NAALADL1: variants seen among roughly 807,000 people sequenced by gnomAD.
NAALADL1 encodes the protein N-acetylated alpha-linked acidic dipeptidase like 1, also known as aminopeptidase NAALADL1.
NAALADL1 carries 77 observed loss-of-function variants against 82.8 expected under a neutral mutation model. The ratio of observed to expected loss-of-function variants is 0.93; its 90% confidence interval spans 0.77 to 1.12. The LOEUF is 1.12. Ranked by LOEUF, NAALADL1 falls within the 50% of genes most tolerant of loss-of-function variation. The pLI is 0.00. For missense variants in NAALADL1, 956 were observed against 964.0 expected (o/e 0.99, Z 0.11); for synonymous variants, 358 against 399.2 (o/e 0.90, Z 1.23).
chr11:65,047,500 A>C lies in NAALADL1; in HGVS notation c.1574T>G (p.Met525Arg). ...PFVHFLGISS[M>R]DIAYTYDRSK... ...CCGGTCATAGGTATAGGCAATGTCCATGGAGGAGATGCCCAGGAAGTGAAC... is the reference window on the plus strand; with the variant it reads ...CCGGTCATAGGTATAGGCAATGTCCCTGGAGGAGATGCCCAGGAAGTGAAC... Residue 525 changes from methionine to arginine, a missense_variant, in exon 13 of 18, where the codon ATG becomes AGG. Coordinates refer to ENST00000358658, the MANE Select transcript of NAALADL1 (RefSeq NM_005468.3). 6.4e-7 allele frequency: 1 copy of C among 1,567,948 alleles called. No homozygotes were observed. Among genetic ancestry groups the C allele is most frequent in the Non-Finnish European group, 8.6e-7 (1 of 1,156,158 alleles).
At chr11:65,058,809 A>G (rs1251048019), upstream of NAALADL1, among the ~76,000 whole-genome samples, 1 of 152,180 alleles carries the variant, frequency 6.6e-6, no homozygotes, top group Non-Finnish European at 1.5e-5. Context: ...ACAGAGGCCA[A>G]GCCAGGGCTG....
At chr11:65,047,954 A>C (rs1343574665) in intron 11 of NAALADL1, 27 bp downstream of exon 11, 1 of 1,481,134 alleles carries the variant, frequency 6.8e-7, no homozygotes, top group African/African-American at 1.5e-5. Context: ...CAGCTAGTTC[A>C]GCCCCGCCCG....
upstream of NAALADL1, among the ~76,000 whole-genome samples, chr11:65,059,437 G>C (rs1215166767): frequency 6.6e-6 from 1 of 152,168 alleles, no homozygotes; most frequent in Admixed American, 6.5e-5. Flanking sequence ...GTAAGGCCTA[G>C]AGCTAAAGGA....
chr11:65,045,454 A>G lies in NAALADL1; in HGVS notation c.2040T>C (p.His680=), dbSNP rs764337374. Residue 680 remains histidine (H), a synonymous_variant, in exon 18 of 18, where the codon CAT becomes CAC. Coordinates refer to ENST00000358658, the MANE Select transcript of NAALADL1 (RefSeq NM_005468.3). ...RAFPEERYYS[H]VLWAPRTGSV... ...AGCCCGTGCGAGGTGCCCAGAGCACATGGCTGACAAGAGAAATGGGACAGG... is the reference window on the plus strand; with the variant it reads ...AGCCCGTGCGAGGTGCCCAGAGCACGTGGCTGACAAGAGAAATGGGACAGG... The G allele has an allele frequency of 3.7e-6, 6 of 1,600,378 alleles. No individual in the cohort carries two copies. In the East Asian group the frequency reaches 1.1e-4, roughly 30 times the overall value.
Position 65,054,235 on chromosome 11 carries a change from C to A in NAALADL1, c.992+15G>T. The A allele has an allele frequency of 6.2e-7, 1 of 1,609,404 alleles. No individual in the cohort carries two copies. The highest frequency in any genetic ancestry group is 8.5e-7 in the Non-Finnish European group (1 of 1,176,986). ...AGAGGGCAACTGAGGGAGACCTGGT[C>A]TGGCTGCATCTCACCTGTCTGCTGG... On this transcript the variant is annotated intron_variant, in intron 6 of 17. Transcript: ENST00000358658. This position sits in a 1 kb window ranked among gnomAD's most constrained non-coding sequence, Gnocchi z 4.3.
chr11:65,058,822 A>G (rs1052024902), upstream of NAALADL1, among the ~76,000 whole-genome samples: 7 of 152,058 alleles, frequency 4.6e-5, no homozygotes, highest in Non-Finnish European at 1.0e-4. Flanking sequence ...CAGGGCTGGA[A>G]CTCAGAGCTC....
chr11:65,060,810 T>TA (rs1390241206), upstream of NAALADL1, among the ~76,000 whole-genome samples: 2 of 152,116 alleles, frequency 1.3e-5, no homozygotes, highest in African/African-American at 4.8e-5. Flanking sequence ...TTGTGGGAGT[T>TA]CCTAGAAATA....
chr11:65,045,618 G>C (rs937106181), intron 17 of NAALADL1, 161 bp from the exon 18 acceptor site: 2 of 925,032 alleles, frequency 2.2e-6, no homozygotes, highest in Admixed American at 2.9e-5. Context: ...AGTGGCGGTC[G>C]GGGGAGGAAA....
rs767507853 is a variant in NAALADL1 at position 65,053,421 on chromosome 11, G to A, written c.1078+70C>T. 3 of 1,612,108 alleles carry A rather than the reference G, an allele frequency of 1.9e-6. No homozygotes were observed. In the South Asian group the frequency reaches 3.3e-5, roughly 18 times the overall value. On this transcript the variant is annotated intron_variant, in intron 7 of 17. Coordinates refer to ENST00000358658, the MANE Select transcript of NAALADL1 (RefSeq NM_005468.3). This position sits in a 1 kb window ranked among gnomAD's most constrained non-coding sequence, Gnocchi z 4.3. ...TGGGCTGGGTGGTGGCAAGGGCAGG[G>A]CTGGATGAGGACAGCGGCATCCAGA...
chr11:65,045,467 G>T lies in NAALADL1; in HGVS notation c.2037-10C>A, dbSNP rs373991426. ...TGCCCAGAGCACATGGCTGACAAGA[G>T]AAATGGGACAGGATCAGGGTCAGTC... is the stretch of plus-strand genomic sequence containing the variant. On this transcript the variant is annotated splice_polypyrimidine_tract_variant and intron_variant, in intron 17 of 17. Transcript: ENST00000358658. The T allele has an allele frequency of 2.2e-5, 35 of 1,594,572 alleles. No individual in the cohort carries two copies. In the African/African-American group the frequency reaches 4.7e-4, roughly 21 times the overall value.
At chr11:65,057,796 TC>T in intron 3 of NAALADL1, 78 bp downstream of exon 3, 1 of 1,589,052 alleles carries the variant, frequency 6.3e-7, no homozygotes, top group Non-Finnish European at 8.6e-7. Flanking sequence ...TGAGGCACGT[TC>T]CCTGGGTCAG....
At chr11:65,047,598 G>T (rs1368870191) in intron 12 of NAALADL1, 33 bp from the exon 13 acceptor site, 3 of 1,577,604 alleles carry the variant, frequency 1.9e-6, no homozygotes, top group Non-Finnish European at 1.7e-6. Context: ...GATAAAGAGC[G>T]CTGGGCCGGA....
chr11:65,051,723 G>C (rs1946895922), intron 8 of NAALADL1, among the ~76,000 whole-genome samples: 1 of 152,074 alleles, frequency 6.6e-6, no homozygotes, highest in African/African-American at 2.4e-5. Context: ...AATTACAGTT[G>C]AGTGGGTATC....
intron 4 of NAALADL1, among the ~76,000 whole-genome samples, chr11:65,055,400 G>A (rs776551740): frequency 2.2e-4 from 34 of 152,220 alleles, no homozygotes; most frequent in Admixed American, 4.6e-4. Context: ...TCATGCCACT[G>A]CACTCCAGCC....
At chr11:65,048,572 G>A in intron 8 of NAALADL1, 187 bp from the exon 9 acceptor site, 1 of 624,956 alleles carries the variant, frequency 1.6e-6, no homozygotes, top group South Asian at 1.9e-5. Flanking sequence ...CCAACTCCAA[G>A]CCCCCTGAAG....
At chr11:65,047,871 A>G in intron 11 of NAALADL1, 110 bp downstream of exon 11, 1 of 1,465,732 alleles carries the variant, frequency 6.8e-7, no homozygotes, top group Non-Finnish European at 9.2e-7. Context: ...GTCCAGCCCC[A>G]GCAGATCTAG....
In NAALADL1 at chr11:65,057,409, C is replaced by A. The variant is rs1463518690; in HGVS notation, c.565G>T (p.Ala189Ser). The A allele has an allele frequency of 2.5e-6, 4 of 1,614,154 alleles. No individual in the cohort carries two copies. The highest frequency in any genetic ancestry group is 1.3e-5 in the African/African-American group (1 of 75,046). Reference protein sequence around the residue: ...TQGIKLEGTIALTRYGGVGRG... With the variant: ...TQGIKLEGTISLTRYGGVGRG... ...CCTACACCCCCATATCGAGTCAGGG[C>A]AATGGTGCCTTCAAGTTTGATGCCC... Residue 189 changes from alanine (A) to serine (S), a missense_variant, in exon 4 of 18, where the codon GCC becomes TCC. Coordinates refer to ENST00000358658, the MANE Select transcript of NAALADL1 (RefSeq NM_005468.3).
In NAALADL1 at chr11:65,058,398, G is replaced by A; in HGVS notation, c.124C>T (p.Leu42=). ...CCCATGACGGTCTCCAGGATCTCCAGGTCCAGGTCCTGGGGGGCCAGTGAG... is the reference window on the plus strand; with the variant it reads ...CCCATGACGGTCTCCAGGATCTCCAAGTCCAGGTCCTGGGGGGCCAGTGAG... ...ANSLAPQDLD[L]EILETVMGQL... is the part of the protein sequence containing the mutation. Residue 42 remains leucine (L), a synonymous_variant, in exon 1 of 18, where the codon CTG becomes TTG. Coordinates refer to ENST00000358658, the MANE Select transcript of NAALADL1 (RefSeq NM_005468.3). 1 of 1,614,164 alleles carries A rather than the reference G, an allele frequency of 6.2e-7. No individual in the cohort carries two copies. The highest frequency in any genetic ancestry group is 8.5e-7 in the Non-Finnish European group (1 of 1,180,002).
In NAALADL1 at chr11:65,053,348, G is replaced by A. The variant is rs978248292; in HGVS notation, c.1079-11C>T. 5 of 1,594,124 alleles carry A rather than the reference G, an allele frequency of 3.1e-6. No homozygotes were observed. The highest frequency in any genetic ancestry group is 2.6e-6 in the Non-Finnish European group (3 of 1,170,694). On this transcript the variant is annotated splice_polypyrimidine_tract_variant and intron_variant, in intron 7 of 17. Transcript: ENST00000358658. The surrounding 1 kb of genome is among the most constrained non-coding windows in gnomAD (Gnocchi z 4.3). ...ACAGCACGTAGCGATCTGGCCAGAG[G>A]AAAAGGGGCAGAGAACCAGAGGAGA...
Sources: gnomAD v4.1 joint callset for allele counts (sites outside exome capture counted in the v4.1 genomes callset) on GRCh38, gnomAD v4.1.1 for gene constraint, Gnocchi (gnomAD v3.1) non-coding constraint, MANE v1.5 for transcripts, NCBI Gene and HGNC (gene_info 2026-07-23, HGNC 2026-07-21) for gene names.